The following KCNQ4 variants were observed in gnomAD, a reference collection of about 807,000 sequenced individuals.
KCNQ4 encodes the protein potassium voltage-gated channel subfamily KQT member 4.
In KCNQ4, 31 loss-of-function variants were observed where a neutral mutation model predicts 72.6. The ratio of observed to expected loss-of-function variants is 0.43; its 90% confidence interval spans 0.32 to 0.58. The LOEUF is 0.58. Ranked by LOEUF, KCNQ4 falls within the 20% of genes least tolerant of loss-of-function variation. The pLI is 0.08. For synonymous variants in KCNQ4, 405 were observed against 403.7 expected (o/e 1.00, Z -0.04); for missense variants, 869 against 962.6 (o/e 0.90, Z 1.29).
At chr1:40,801,904 C>G (rs1647585224) in intron 1 of KCNQ4, among the ~76,000 whole-genome samples, 1 of 152,086 alleles carries the variant, frequency 6.6e-6, no homozygotes, top group Non-Finnish European at 1.5e-5. Context: ...ACTTTGATTT[C>G]TTTATCTGTC....
chr1:40,837,594 G>A, intron 12 of KCNQ4, 71 bp from the exon 13 acceptor site: 1 of 1,558,190 alleles, frequency 6.4e-7, no homozygotes, highest in Non-Finnish European at 8.7e-7. Context: ...CCTTCATCAG[G>A]CAACCTATAA....
Position 40,818,530 on chromosome 1 carries a change from G to C in KCNQ4, c.558G>C (p.Val186=). 6.2e-7 allele frequency: 1 copy of C among 1,602,426 alleles called. No homozygotes were observed. The highest frequency in any genetic ancestry group is 8.5e-7 in the Non-Finnish European group (1 of 1,179,848). Residue 186 remains valine (V), a synonymous_variant, in exon 4 of 14, where the codon GTG becomes GTC. Coordinates refer to ENST00000347132, the MANE Select transcript of KCNQ4 (RefSeq NM_004700.4). ...VIDFIVFVAS[V]AVIAAGTQGN... is the part of the protein sequence containing the mutation. Reference sequence around the variant, plus strand: ...ACTTCATCGTGTTCGTGGCCTCGGTGGCCGTCATCGCCGCGGGTACCCAGG... The same window carrying C: ...ACTTCATCGTGTTCGTGGCCTCGGTCGCCGTCATCGCCGCGGGTACCCAGG...
Position 40,816,426 on chromosome 1 carries a change from G to A in KCNQ4, c.315-839G>A, listed in dbSNP as rs541165315. 2.0e-4 allele frequency among the ~76,000 whole-genome samples: 31 copies of A among 152,262 alleles called. 2 individuals are homozygous for A. The highest frequency in any genetic ancestry group is 7.2e-4 in the African/African-American group (30 of 41,534). ...TGGTCCTCTTCCCATCCACTGGGAGGTTGGGAACCCTGGCTCTAATCTCAG... is the reference window on the plus strand; with the variant it reads ...TGGTCCTCTTCCCATCCACTGGGAGATTGGGAACCCTGGCTCTAATCTCAG... On this transcript the variant is annotated intron_variant, in intron 1 of 13. Coordinates refer to ENST00000347132, the MANE Select transcript of KCNQ4 (RefSeq NM_004700.4).
intron 1 of KCNQ4, among the ~76,000 whole-genome samples, chr1:40,789,100 G>A (rs1647234453): frequency 6.6e-6 from 1 of 152,208 alleles, no homozygotes; most frequent in Non-Finnish European, 1.5e-5. Flanking sequence ...GCCCTTGCGG[G>A]TCTGTGTGTA....
rs1023924966 is a variant in KCNQ4 at position 40,818,893 on chromosome 1, G to C, written c.708+213G>C. The C allele has an allele frequency of 8.1e-5, 51 of 630,682 alleles. No homozygotes were observed. The African/African-American group carries it at 9.4e-4, about 12-fold the overall frequency. The allele number at this position is 630,682 out of a possible 1,614,324, so 39.1% of individuals were successfully genotyped here. A position where few individuals can be genotyped will look rare whatever the true frequency, so the allele number is the denominator to read the frequency against. On this transcript the variant is annotated intron_variant, in intron 4 of 13. Coordinates refer to ENST00000347132, the MANE Select transcript of KCNQ4 (RefSeq NM_004700.4). ...AGGGGCGGGCCTAGGAGTCCGGACC[G>C]GATCAGGGGGCGGGGCCGGAGAGGC...
intron 10 of KCNQ4, among the ~76,000 whole-genome samples, chr1:40,832,696 C>G (rs1238242186): frequency 6.6e-6 from 1 of 152,198 alleles, no homozygotes; most frequent in African/African-American, 2.4e-5. Context: ...CAAGGTGGAA[C>G]CAGTGGGGCT....
chr1:40,838,599 A>G lies in KCNQ4; in HGVS notation c.*76A>G. The G allele has an allele frequency of 7.5e-7, 1 of 1,332,120 alleles. No homozygotes were observed. The highest frequency in any genetic ancestry group is 2.3e-5 in the East Asian group (1 of 43,026). The allele number at this position is 1,332,120 out of a possible 1,614,324, so 82.5% of individuals were successfully genotyped here. ...TCCGACTGCCCTCTGAGGCCTCCGGACTCCTCTCGTACTTGAACTCACTCC... is the reference window on the plus strand; with the variant it reads ...TCCGACTGCCCTCTGAGGCCTCCGGGCTCCTCTCGTACTTGAACTCACTCC... On this transcript the variant is annotated 3_prime_UTR_variant, in exon 14 of 14. Coordinates refer to ENST00000347132, the MANE Select transcript of KCNQ4 (RefSeq NM_004700.4).
chr1:40,829,351 G>A (rs1374187135), intron 9 of KCNQ4, among the ~76,000 whole-genome samples: 4 of 152,176 alleles, frequency 2.6e-5, no homozygotes, highest in South Asian at 2.1e-4. Flanking sequence ...GGGATGTGTC[G>A]ATGGAGTCCT....
chr1:40,823,685 G>A (rs186870764), intron 8 of KCNQ4, among the ~76,000 whole-genome samples: 1 of 152,318 alleles, frequency 6.6e-6, no homozygotes, highest in African/African-American at 2.4e-5. Flanking sequence ...TGGAGGGGAA[G>A]GAAGCTGGGC....
intron 10 of KCNQ4, 118 bp downstream of exon 10, chr1:40,831,422 G>A (rs904352111): frequency 1.0e-5 from 8 of 797,012 alleles, no homozygotes; most frequent in African/African-American, 1.7e-5. Flanking sequence ...CTGATGGACC[G>A]TCTTTGGGCT....
chr1:40,812,060 C>T (rs1283542991), intron 1 of KCNQ4, among the ~76,000 whole-genome samples: 2 of 152,132 alleles, frequency 1.3e-5, no homozygotes, highest in African/African-American at 4.8e-5. Flanking sequence ...AGATACTGAT[C>T]TCTCTTCTGC....
chr1:40,838,257 G>C, intron 13 of KCNQ4, 54 bp from the exon 14 acceptor site: 1 of 1,508,596 alleles, frequency 6.6e-7, no homozygotes, highest in Non-Finnish European at 9.1e-7. Context: ...CCCCGCCCCC[G>C]GCCGCGTCCC....
At chr1:40,838,017 C>A (rs554702047) in intron 13 of KCNQ4, among the ~76,000 whole-genome samples, 2 of 151,602 alleles carry the variant, frequency 1.3e-5, no homozygotes, top group South Asian at 4.2e-4. Context: ...CGCCCATAAC[C>A]TTCAGATAAG....
rs1570816129 is a variant in KCNQ4 at position 40,807,991 on chromosome 1, C to T, written c.315-9274C>T. ...AAAAATTAGCCAGGTGTGGTGGTCC[C>T]GGCTACTCAGGAGGCTGAGGCAGGC... is the stretch of plus-strand genomic sequence containing the variant. On this transcript the variant is annotated intron_variant, in intron 1 of 13. Coordinates refer to ENST00000347132, the MANE Select transcript of KCNQ4 (RefSeq NM_004700.4). Among the ~76,000 whole-genome samples, 4 of 151,634 alleles carry T rather than the reference C, an allele frequency of 2.6e-5. No homozygotes were observed. In the South Asian group the frequency reaches 6.2e-4, roughly 24 times the overall value.
chr1:40,790,428 A>G (rs2148833631), intron 1 of KCNQ4, among the ~76,000 whole-genome samples: 1 of 152,062 alleles, frequency 6.6e-6, no homozygotes. Flanking sequence ...TCTGCTCTGG[A>G]GAGAATAGGA....
chr1:40,795,490 G>C (rs1647386222), intron 1 of KCNQ4, among the ~76,000 whole-genome samples: 1 of 151,824 alleles, frequency 6.6e-6, no homozygotes, highest in Admixed American at 6.6e-5. Flanking sequence ...TCGAATTCCT[G>C]TGCTCAAGCA....
Position 40,837,693 on chromosome 1 carries a change from G to A in KCNQ4, c.1774G>A (p.Gly592Arg), listed in dbSNP as rs1200500779. ...RVDQIVGRGP[G>R]DRKAREKGDK... ...GGACCAAATTGTGGGTCGGGGGCCC[G>A]GGGACAGGAAGGCCCGGGAGAAGGG... The change falls in exon 13 of 14, where the codon GGG (glycine) becomes AGG (arginine). Residue 592 changes from glycine to arginine, a missense_variant. Physicochemically the swap from Gly to Arg is moderately radical, Grantham distance 125. This residue lies in a region of KCNQ4 where 480 missense variants were observed against 501.9 expected (regional missense o/e 0.96). Coordinates refer to ENST00000347132, the MANE Select transcript of KCNQ4 (RefSeq NM_004700.4). The A allele has an allele frequency of 6.2e-7, 1 of 1,612,906 alleles. No individual in the cohort carries two copies. Among genetic ancestry groups the A allele is most frequent in the Non-Finnish European group, 8.5e-7 (1 of 1,179,564 alleles).
intron 1 of KCNQ4, among the ~76,000 whole-genome samples, chr1:40,791,442 G>T (rs528678210): frequency 6.6e-6 from 1 of 152,158 alleles, no homozygotes; most frequent in Non-Finnish European, 1.5e-5. Flanking sequence ...CTGGAGAAAG[G>T]GTGCTGAGCC....
chr1:40,838,474 C>G lies in KCNQ4; in HGVS notation c.2039C>G (p.Ser680Cys). The change falls in exon 14 of 14, where the codon TCC becomes TGC. Residue 680 changes from serine to cysteine, a missense_variant. By Grantham distance (112) the Ser-to-Cys change is moderately radical. Coordinates refer to ENST00000347132, the MANE Select transcript of KCNQ4 (RefSeq NM_004700.4). ...SPVDHEDISV[S>C]AQTLSISRSV... ...GTGGACCACGAGGACATCTCCGTCT[C>G]CGCACAGACGCTCAGCATCTCCCGC... is the stretch of plus-strand genomic sequence containing the variant. The G allele has an allele frequency of 6.2e-7, 1 of 1,614,174 alleles. No individual in the cohort carries two copies. Among genetic ancestry groups the G allele is most frequent in the Non-Finnish European group, 8.5e-7 (1 of 1,179,984 alleles).
Sources: allele counts gnomAD v4.1 joint callset (sites outside exome capture counted in the v4.1 genomes callset), GRCh38; gene constraint gnomAD v4.1.1; regional missense constraint gnomAD v4.1.1; transcripts MANE v1.5; gene names NCBI Gene and HGNC (gene_info 2026-07-23, HGNC 2026-07-21).